The following KCNIP1 variants were observed in gnomAD, a reference collection of about 807,000 sequenced individuals.
The protein encoded by KCNIP1 is potassium voltage-gated channel interacting protein 1, also known as A-type potassium channel modulatory protein KCNIP1.
KCNIP1 carries 18 observed loss-of-function variants against 33.0 expected under a neutral mutation model. The ratio of observed to expected loss-of-function variants is 0.55; its 90% CI spans 0.38 to 0.81. The LOEUF is 0.81. Among genes scored for constraint, KCNIP1 ranks in the 30% least tolerant of loss-of-function variants. The pLI is 0.00. For synonymous variants in KCNIP1, 93 were observed against 98.3 expected, an observed-to-expected ratio of 0.95 and a Z score of 0.32; for missense variants, 238 against 271.6, an observed-to-expected ratio of 0.88 and a Z score of 0.87.
chr5:170,606,464 G>A (rs1007578162), intron 1 of KCNIP1, among the ~76,000 whole-genome samples: 2 of 152,040 alleles, frequency 1.3e-5, no homozygotes, highest in African/African-American at 4.8e-5. Flanking sequence ...TAATCACCAG[G>A]CAGAGATCTC....
At chr5:170,379,110 G>T in intron 1 of KCNIP1, 2 of 1,033,880 alleles carry the variant, frequency 1.9e-6, no homozygotes, top group South Asian at 1.7e-5. Context: ...CTAAAGCTTG[G>T]CAGGCCATGC....
At chr5:170,507,355 A>G (rs1308765685) in intron 1 of KCNIP1, among the ~76,000 whole-genome samples, 2 of 152,262 alleles carry the variant, frequency 1.3e-5, no homozygotes, top group African/African-American at 4.8e-5. Flanking sequence ...TTCAAGGATC[A>G]TGCAAGTCAA....
intron 1 of KCNIP1, among the ~76,000 whole-genome samples, chr5:170,443,062 C>T (rs1756029378): frequency 6.6e-6 from 1 of 152,196 alleles, no homozygotes; most frequent in Non-Finnish European, 1.5e-5. Context: ...TTCCCTCATC[C>T]TGTGGGGAGG....
At chr5:170,698,583 C>T (rs562280240) in intron 1 of KCNIP1, among the ~76,000 whole-genome samples, 1 of 152,184 alleles carries the variant, frequency 6.6e-6, no homozygotes, top group African/African-American at 2.4e-5. Flanking sequence ...TCTAAAATGT[C>T]AGCTGCCATT....
At chr5:170,430,376 C>A (rs939031142) in intron 1 of KCNIP1, among the ~76,000 whole-genome samples, 1 of 152,188 alleles carries the variant, frequency 6.6e-6, no homozygotes, top group Non-Finnish European at 1.5e-5. Flanking sequence ...TAAGCCAATG[C>A]CCCTGACACT....
chr5:170,701,208 T>A (rs1763089132), intron 1 of KCNIP1, among the ~76,000 whole-genome samples: 1 of 152,214 alleles, frequency 6.6e-6, no homozygotes, highest in Non-Finnish European at 1.5e-5. Context: ...GGATTTGAGA[T>A]GCAGGCTGGG....
At position 170,628,231 on chromosome 5, in the gene KCNIP1, C is replaced by T. The variant is rs536461441; in HGVS notation, c.62-90527C>T. 5.3e-5 allele frequency among the ~76,000 whole-genome samples: 8 copies of T among 152,270 alleles called. No individual in the cohort carries two copies. In the South Asian group the frequency reaches 1.0e-3, roughly 20 times the overall value. On this transcript the variant is annotated intron_variant, in intron 1 of 7. Coordinates refer to ENST00000328939, the MANE Select transcript of KCNIP1 (RefSeq NM_014592.4). Reference sequence around the variant, plus strand: ...CCACAGCCGGTAGCCAGCTTTTCCCCGCCCTTCTCCCAGGCACACACAGCC... The same window carrying T: ...CCACAGCCGGTAGCCAGCTTTTCCCTGCCCTTCTCCCAGGCACACACAGCC...
At chr5:170,693,410 G>T (rs72837603) in intron 1 of KCNIP1, among the ~76,000 whole-genome samples, 1 of 152,324 alleles carries the variant, frequency 6.6e-6, no homozygotes, top group Non-Finnish European at 1.5e-5. Flanking sequence ...CATCCTCTGT[G>T]TGCCATGCTC....
intron 1 of KCNIP1, among the ~76,000 whole-genome samples, chr5:170,670,756 G>A (rs1761886657): frequency 6.6e-6 from 1 of 152,108 alleles, no homozygotes; most frequent in Admixed American, 6.5e-5. Context: ...AGCCAGGTGT[G>A]GTGATGCAGC....
chr5:170,367,393 GAAAGAAAGAAA>G (rs1763704461), intron 1 of KCNIP1, among the ~76,000 whole-genome samples: 1 of 120,482 alleles, frequency 8.3e-6, no homozygotes, highest in Non-Finnish European at 1.7e-5. Flanking sequence ...AAGAAAGAAA[GAAAGAAAGAAA>G]GAAAGAAAGA....
chr5:170,716,711 T>G (rs1433952395), intron 1 of KCNIP1, among the ~76,000 whole-genome samples: 4 of 152,190 alleles, frequency 2.6e-5, no homozygotes, highest in African/African-American at 9.7e-5. Flanking sequence ...AATTACTTAG[T>G]GCATTTTTTA....
chr5:170,372,326 C>G (rs994335002), intron 1 of KCNIP1, among the ~76,000 whole-genome samples: 1 of 152,146 alleles, frequency 6.6e-6, no homozygotes, highest in East Asian at 1.9e-4. Flanking sequence ...CCTCTCCCAG[C>G]ACCTTGACGT....
At chr5:170,715,115 G>A (rs1763601672) in intron 1 of KCNIP1, among the ~76,000 whole-genome samples, 1 of 152,062 alleles carries the variant, frequency 6.6e-6, no homozygotes, top group South Asian at 2.1e-4. Flanking sequence ...AATTTAGTAT[G>A]TTTGGACACA....
chr5:170,687,441 A>G (rs1581501368), intron 1 of KCNIP1, among the ~76,000 whole-genome samples: 1 of 152,284 alleles, frequency 6.6e-6, no homozygotes, highest in African/African-American at 2.4e-5. Context: ...CGGCCTCCCA[A>G]AGTAATCACT....
chr5:170,554,817 C>T (rs770196541), intron 1 of KCNIP1, among the ~76,000 whole-genome samples: 2 of 152,132 alleles, frequency 1.3e-5, no homozygotes, highest in African/African-American at 2.4e-5. Context: ...CTCCCCTTCT[C>T]GTCACCACCC....
At chr5:170,627,342 T>C (rs1240281786) in intron 1 of KCNIP1, among the ~76,000 whole-genome samples, 2 of 152,218 alleles carry the variant, frequency 1.3e-5, no homozygotes, top group Non-Finnish European at 2.9e-5. Flanking sequence ...TTCAATGAGA[T>C]GTCCTCTGCC....
At chr5:170,385,111 G>C (rs1268023287) in intron 1 of KCNIP1, among the ~76,000 whole-genome samples, 1 of 152,186 alleles carries the variant, frequency 6.6e-6, no homozygotes, top group African/African-American at 2.4e-5. Flanking sequence ...TTACCACCAG[G>C]TCCTAGAATC....
chr5:170,428,099 GT>G (rs1429333038), intron 1 of KCNIP1, among the ~76,000 whole-genome samples: 4 of 152,098 alleles, frequency 2.6e-5, no homozygotes, highest in Non-Finnish European at 2.9e-5. Flanking sequence ...CCCTTCTAAT[GT>G]GGGTGTGTCC....
chr5:170,442,875 T>C (rs1449960678), intron 1 of KCNIP1, among the ~76,000 whole-genome samples: 1 of 152,240 alleles, frequency 6.6e-6, no homozygotes, highest in Non-Finnish European at 1.5e-5. Context: ...TGTAGAATCC[T>C]GTGCCTTCAG....
Sources: allele counts gnomAD v4.1 joint callset (sites outside exome capture counted in the v4.1 genomes callset), GRCh38; gene constraint gnomAD v4.1.1; transcripts MANE v1.5; gene names NCBI Gene and HGNC (gene_info 2026-07-23, HGNC 2026-07-21).